The following CELF2 variants were observed in gnomAD, a reference collection of about 807,000 sequenced individuals.
CELF2 encodes CUGBP Elav-like family member 2.
A neutral mutation model predicts 62.6 loss-of-function variants in CELF2; 8 were observed. The observed-to-expected ratio is 0.13, with a 90% CI of 0.07 to 0.23. The LOEUF (loss-of-function observed/expected upper bound fraction) is 0.23, where lower values mean the gene tolerates loss of function less well. Ranked by LOEUF, CELF2 falls within the 10% of genes least tolerant of loss-of-function variation. The pLI is 1.00. For synonymous variants in CELF2, 258 were observed against 250.0 expected (o/e 1.03, Z -0.30); for missense variants, 333 against 671.0 (o/e 0.50, Z 5.56).
rs970664352 is a variant in CELF2 at position 11,156,983 on chromosome 10, G to T, written c.75-8503G>T. ...GTGTGCTGTGGGATTAGAGTTTAAT[G>T]GTCAAAATGAGGGCAGTTATTTTCA... On this transcript the variant is annotated intron_variant, in intron 1 of 12. Transcript: ENST00000633077. The surrounding 1 kb of genome is among the most constrained non-coding windows in gnomAD (Gnocchi z 4.3). Among the ~76,000 whole-genome samples the T allele has an allele frequency of 1.3e-5, 2 of 152,112 alleles. No homozygotes were observed. The highest frequency in any genetic ancestry group is 6.5e-5 in the Admixed American group (1 of 15,280).
the CELF2 span, among the ~76,000 whole-genome samples, chr10:10,576,528 A>G: frequency 1.3e-5 from 2 of 152,088 alleles, no homozygotes; most frequent in African/African-American, 4.8e-5. Flanking sequence ...TGCATTAAGA[A>G]CCCGATGGTA....
At chr10:10,912,935 C>G (rs1485709654) in intron 1 of CELF2, among the ~76,000 whole-genome samples, 2 of 152,178 alleles carry the variant, frequency 1.3e-5, no homozygotes, top group Non-Finnish European at 2.9e-5. Flanking sequence ...GTGATAGTAA[C>G]TACTTCGTGA....
the CELF2 span, among the ~76,000 whole-genome samples, chr10:10,780,396 T>G: frequency 6.6e-6 from 1 of 152,210 alleles, no homozygotes; most frequent in Non-Finnish European, 1.5e-5. Flanking sequence ...CAGTATATCC[T>G]GGTAAATTCA....
In CELF2 at chr10:11,246,893, A is replaced by G. The variant is rs541460915; in HGVS notation, c.355-2260A>G. Among the ~76,000 whole-genome samples the G allele has an allele frequency of 5.2e-4, 79 of 152,276 alleles. No homozygotes were observed. Among genetic ancestry groups the G allele is most frequent in the African/African-American group, 1.9e-3 (78 of 41,552 alleles). On this transcript the variant is annotated intron_variant, in intron 3 of 12. Transcript: ENST00000633077. The surrounding 1 kb of genome is among the most constrained non-coding windows in gnomAD (Gnocchi z 4.6). ...ACTTCTGTCTGTACCCCACAGTCAC[A>G]TCAACCTTAGCATGTCCAGACCTGC...
the CELF2 span, among the ~76,000 whole-genome samples, chr10:10,710,944 C>A: frequency 1.1e-4 from 17 of 152,160 alleles, no homozygotes; most frequent in Non-Finnish European, 2.5e-4. Flanking sequence ...TAAGAATTAA[C>A]TGTGGTTTTT....
At chr10:10,510,950 A>C in the CELF2 span, among the ~76,000 whole-genome samples, 48,645 of 152,102 alleles carry the variant, frequency 0.32, 8,504 homozygotes, top group Non-Finnish European at 0.41. Flanking sequence ...GAGGCACTAA[A>C]GGGAAAAGGA....
At chr10:10,605,145 G>A in the CELF2 span, among the ~76,000 whole-genome samples, 25 of 152,210 alleles carry the variant, frequency 1.6e-4, no homozygotes, top group Non-Finnish European at 3.4e-4. Flanking sequence ...GCTGGAAGGC[G>A]TTATCCTCAG....
At chr10:10,647,735 T>C in the CELF2 span, among the ~76,000 whole-genome samples, 1 of 152,262 alleles carries the variant, frequency 6.6e-6, no homozygotes, top group South Asian at 2.1e-4. Context: ...ACTTTGTGTG[T>C]ATTTTTATCT....
intron 2 of CELF2, among the ~76,000 whole-genome samples, chr10:10,967,181 A>G (rs1328771672): frequency 6.6e-6 from 1 of 152,198 alleles, no homozygotes; most frequent in Non-Finnish European, 1.5e-5. Flanking sequence ...GGAGGCACAG[A>G]GACAGCTGGC....
the CELF2 span, among the ~76,000 whole-genome samples, chr10:10,706,310 T>G: frequency 6.6e-6 from 1 of 152,292 alleles, no homozygotes; most frequent in East Asian, 1.9e-4. Flanking sequence ...AAGTAGACAC[T>G]CACTAAAACT....
the CELF2 span, among the ~76,000 whole-genome samples, chr10:10,563,775 T>C: frequency 2.0e-5 from 3 of 152,124 alleles, no homozygotes; most frequent in Non-Finnish European, 4.4e-5. Context: ...GTGTATTCTG[T>C]GGACCTGCAG....
chr10:11,063,900 A>T (rs1027451038), intron 1 of CELF2, among the ~76,000 whole-genome samples: 3 of 152,098 alleles, frequency 2.0e-5, no homozygotes, highest in African/African-American at 4.8e-5. Context: ...TCCAGAGGGG[A>T]GTGGATTGAT....
At chr10:10,979,123 T>C (rs1166394773) in intron 2 of CELF2, among the ~76,000 whole-genome samples, 4 of 152,026 alleles carry the variant, frequency 2.6e-5, no homozygotes, top group African/African-American at 9.7e-5. Context: ...GGAGAGAAAG[T>C]GATTGAAACA....
chr10:11,102,334 G>T (rs984025641), intron 1 of CELF2, among the ~76,000 whole-genome samples: 1 of 152,176 alleles, frequency 6.6e-6, no homozygotes, highest in African/African-American at 2.4e-5. Flanking sequence ...GGCATTAGCT[G>T]GTTCTTCTTT....
At chr10:11,082,824 C>G (rs905444821) in intron 1 of CELF2, among the ~76,000 whole-genome samples, 1 of 152,194 alleles carries the variant, frequency 6.6e-6, no homozygotes, top group Admixed American at 6.5e-5. Flanking sequence ...CAAGATACCT[C>G]TTGTAGATGG....
chr10:10,886,129 C>A (rs1490720942), intron 1 of CELF2, among the ~76,000 whole-genome samples: 6 of 151,850 alleles, frequency 4.0e-5, no homozygotes, highest in Non-Finnish European at 7.4e-5. Flanking sequence ...TCATTCTTGC[C>A]TTCCTTCATT....
chr10:10,648,821 T>A, the CELF2 span, among the ~76,000 whole-genome samples: 1 of 152,218 alleles, frequency 6.6e-6, no homozygotes, highest in African/African-American at 2.4e-5. Context: ...TAGAGCAAGC[T>A]TATTGGAAAT....
chr10:11,166,436 G>A (rs1423275887), intron 2 of CELF2, among the ~76,000 whole-genome samples: 1 of 152,242 alleles, frequency 6.6e-6, no homozygotes, highest in Non-Finnish European at 1.5e-5. Context: ...ATTGTGAGGA[G>A]TGTGATGCTT....
chr10:10,835,161 C>G (rs1285209436), intron 1 of CELF2, among the ~76,000 whole-genome samples: 1 of 151,998 alleles, frequency 6.6e-6, no homozygotes, highest in Non-Finnish European at 1.5e-5. Context: ...TAATGTATTA[C>G]TATTTTTAGA....
Sources: allele counts gnomAD v4.1 joint callset (sites outside exome capture counted in the v4.1 genomes callset), GRCh38; gene constraint gnomAD v4.1.1; non-coding constraint Gnocchi (gnomAD v3.1); transcripts MANE v1.5; gene names NCBI Gene and HGNC (gene_info 2026-07-23, HGNC 2026-07-21).